PTPN21: variants seen among roughly 807,000 people sequenced by gnomAD.
PTPN21 encodes the protein protein tyrosine phosphatase non-receptor type 21, also known as tyrosine-protein phosphatase non-receptor type 21.
In PTPN21, 77 loss-of-function variants were observed where a neutral mutation model predicts 131.8. The observed-to-expected ratio is 0.58, with a 90% confidence interval of 0.49 to 0.71. The LOEUF (loss-of-function observed/expected upper bound fraction) is 0.71, where lower values mean the gene tolerates loss of function less well. Among genes scored for constraint, PTPN21 ranks in the 30% least tolerant of loss-of-function variants. PTPN21 has a pLI of 0.00. For missense variants in PTPN21, 1,552 were observed against 1,527.1 expected, an observed-to-expected ratio of 1.02 and a Z score of -0.27; for synonymous variants, 715 against 621.3, an observed-to-expected ratio of 1.15 and a Z score of -2.24.
chr14:88,488,189 T>G (rs1405170629), intron 10 of PTPN21, among the ~76,000 whole-genome samples: 1 of 152,048 alleles, frequency 6.6e-6, no homozygotes, highest in Non-Finnish European at 1.5e-5. Flanking sequence ...CCAACAGAAT[T>G]CTCTGTCAAC....
Position 88,500,765 on chromosome 14 carries a change from A to G in PTPN21, c.764+18T>C, listed in dbSNP as rs1332848395. ...ACAGGAGCCATAGAAAACATACAAA[A>G]AGAGGTAAGAAAAATACCTAAATAC... On this transcript the variant is annotated intron_variant, in intron 8 of 18. Coordinates refer to ENST00000556564, the MANE Select transcript of PTPN21 (RefSeq NM_007039.4). The G allele has an allele frequency of 1.3e-6, 2 of 1,556,242 alleles. No homozygotes were observed. Among genetic ancestry groups the G allele is most frequent in the Non-Finnish European group, 1.8e-6 (2 of 1,127,298 alleles).
chr14:88,531,306 C>G (rs2078552566), intron 2 of PTPN21, among the ~76,000 whole-genome samples: 1 of 152,174 alleles, frequency 6.6e-6, no homozygotes, highest in Non-Finnish European at 1.5e-5. Flanking sequence ...CGCCTGTAAT[C>G]CCAACATTTT....
chr14:88,472,588 G>C, intron 14 of PTPN21, 123 bp from the exon 15 acceptor site: 1 of 661,434 alleles, frequency 1.5e-6, no homozygotes, highest in Non-Finnish European at 2.6e-6. Flanking sequence ...GAAAATTCTA[G>C]GTTGGGCACG....
intron 14 of PTPN21, among the ~76,000 whole-genome samples, 154 bp from the exon 15 acceptor site, chr14:88,472,619 C>G (rs2077488900): frequency 6.6e-6 from 1 of 152,138 alleles, no homozygotes; most frequent in Non-Finnish European, 1.5e-5. Context: ...CCTGTAATCC[C>G]TGCACTTTGG....
chr14:88,492,451 C>CAGG (rs1362960394), intron 10 of PTPN21, among the ~76,000 whole-genome samples: 1 of 152,182 alleles, frequency 6.6e-6, no homozygotes, highest in African/African-American at 2.4e-5. Context: ...ACAAAGAAAG[C>CAGG]AGGTTCCTCC....
intron 11 of PTPN21, 39 bp downstream of exon 11, chr14:88,485,743 C>G: frequency 1.4e-6 from 2 of 1,464,152 alleles, no homozygotes; most frequent in Non-Finnish European, 1.9e-6. Flanking sequence ...AAAAACATCA[C>G]TAAAATAAAA....
chr14:88,545,429 A>G (rs1192556905), intron 2 of PTPN21, among the ~76,000 whole-genome samples: 1 of 152,160 alleles, frequency 6.6e-6, no homozygotes, highest in Non-Finnish European at 1.5e-5. Context: ...CGTCAAGGTG[A>G]TGCCCCAGGC....
At position 88,470,716 on chromosome 14, in the gene PTPN21, C is replaced by T. The variant is rs540575457; in HGVS notation, c.2872-666G>A. On this transcript the variant is annotated intron_variant, in intron 15 of 18. Coordinates refer to ENST00000556564, the MANE Select transcript of PTPN21 (RefSeq NM_007039.4). ...ACTCTCACTCAGGGCTGCCAGCCCC[C>T]TAGTCACCGCTCCACATCGTCTCAC... Among the ~76,000 whole-genome samples the T allele has an allele frequency of 3.3e-5, 5 of 152,350 alleles. No individual in the cohort carries two copies. The South Asian group carries it at 1.0e-3, about 32-fold the overall frequency.
At chr14:88,531,897 T>C (rs966027205) in intron 2 of PTPN21, among the ~76,000 whole-genome samples, 3 of 151,822 alleles carry the variant, frequency 2.0e-5, no homozygotes. Flanking sequence ...CTAAATAAGC[T>C]CAATTAGAAA....
At chr14:88,481,778 G>T (rs930316497) in intron 12 of PTPN21, among the ~76,000 whole-genome samples, 1 of 152,184 alleles carries the variant, frequency 6.6e-6, no homozygotes, top group Non-Finnish European at 1.5e-5. Flanking sequence ...TGGGGTGGGC[G>T]TGTCCAGCTT....
At chr14:88,483,160 C>G (rs1307627765) in intron 12 of PTPN21, among the ~76,000 whole-genome samples, 1 of 147,918 alleles carries the variant, frequency 6.8e-6, no homozygotes, top group Non-Finnish European at 1.5e-5. Context: ...TGCAGTGAGC[C>G]GAGATCGCGC....
At chr14:88,482,151 A>C (rs1194172094) in intron 12 of PTPN21, among the ~76,000 whole-genome samples, 1 of 152,206 alleles carries the variant, frequency 6.6e-6, no homozygotes, top group Non-Finnish European at 1.5e-5. Flanking sequence ...GGAAGGGTGC[A>C]TGGGGTAAGG....
At chr14:88,509,897 G>A (rs966697291) in intron 3 of PTPN21, among the ~76,000 whole-genome samples, 8 of 152,124 alleles carry the variant, frequency 5.3e-5, no homozygotes, top group Non-Finnish European at 1.2e-4. Context: ...TTAGCCAGGC[G>A]TGGTGGCACA....
chr14:88,479,659 T>TTGC lies in PTPN21; in HGVS notation c.1769_1771dup (p.Ser590dup). On this transcript the variant is annotated inframe_insertion, in exon 13 of 19. Transcript: ENST00000556564. ...CACGCGCCGCGTGATGAGGTCGGGG[T>TTGC]TGCTGCTGCTGATGTAAAGGTGGCG... 1.3e-6 allele frequency: 2 copies of TTGC among 1,530,294 alleles called. No homozygotes were observed. The highest frequency in any genetic ancestry group is 4.6e-5 in the East Asian group (2 of 43,054). The allele number at this position is 1,530,294 out of a possible 1,614,324, so 94.8% of individuals were successfully genotyped here.
At chr14:88,506,651 G>A (rs1000650581) in intron 4 of PTPN21, among the ~76,000 whole-genome samples, 2 of 152,132 alleles carry the variant, frequency 1.3e-5, no homozygotes, top group Non-Finnish European at 2.9e-5. Flanking sequence ...ACAAGTGGGA[G>A]TGGGGTGAGG....
intron 2 of PTPN21, among the ~76,000 whole-genome samples, chr14:88,540,959 G>A (rs923791269): frequency 3.9e-5 from 6 of 152,098 alleles, no homozygotes; most frequent in African/African-American, 7.2e-5. Flanking sequence ...CACCTTGCCC[G>A]GCCAATAAGT....
At chr14:88,468,314 CAG>C in intron 18 of PTPN21, 49 bp from the exon 19 acceptor site, 1 of 1,506,856 alleles carries the variant, frequency 6.6e-7, no homozygotes, top group Non-Finnish European at 8.9e-7. Context: ...CCTGGGGAGA[CAG>C]AAAGGATGGG....
chr14:88,491,503 G>A (rs549091770), intron 10 of PTPN21, among the ~76,000 whole-genome samples: 61 of 152,152 alleles, frequency 4.0e-4, no homozygotes, highest in Non-Finnish European at 7.2e-4. Context: ...TACCCATCTG[G>A]CCCATGACAA....
intron 2 of PTPN21, among the ~76,000 whole-genome samples, chr14:88,518,762 G>A (rs570381294): frequency 6.6e-6 from 1 of 151,918 alleles, no homozygotes; most frequent in African/African-American, 2.4e-5. Context: ...AATCATAACT[G>A]GGGTTCTACC....
Sources: gnomAD v4.1 joint callset for allele counts (sites outside exome capture counted in the v4.1 genomes callset) on GRCh38, gnomAD v4.1.1 for gene constraint, MANE v1.5 for transcripts, NCBI Gene and HGNC (gene_info 2026-07-23, HGNC 2026-07-21) for gene names.